KIAA1217: variants seen among roughly 807,000 people sequenced by gnomAD.
KIAA1217 encodes sickle tail protein homolog.
KIAA1217 carries 88 observed loss-of-function variants against 163.9 expected under a neutral mutation model. That is an observed-to-expected ratio of 0.54 (90% confidence interval 0.45 to 0.64). KIAA1217 has a LOEUF of 0.64. Among genes scored for constraint, KIAA1217 ranks in the 30% least tolerant of loss-of-function variants. The pLI is 0.00. For missense variants in KIAA1217, 2,372 were observed against 2,475.0 expected (o/e 0.96, Z 0.88); for synonymous variants, 903 against 923.1 (o/e 0.98, Z 0.39).
chr10:24,108,615 T>G (rs978804418), intron 2 of KIAA1217, among the ~76,000 whole-genome samples: 1 of 152,154 alleles, frequency 6.6e-6, no homozygotes, highest in Non-Finnish European at 1.5e-5. Context: ...AATGATAAAA[T>G]TAATGGATGA....
intron 1 of KIAA1217, among the ~76,000 whole-genome samples, chr10:23,786,566 G>A (rs968579607): frequency 6.6e-6 from 1 of 150,402 alleles, no homozygotes; most frequent in Non-Finnish European, 1.5e-5. Context: ...AGTTACAATA[G>A]TGACATGTAA....
At chr10:23,859,508 CAT>C (rs1215580985) in intron 1 of KIAA1217, among the ~76,000 whole-genome samples, 1 of 152,204 alleles carries the variant, frequency 6.6e-6, no homozygotes, top group African/African-American at 2.4e-5. Context: ...CTACTAATCA[CAT>C]GTCTTGAAGC....
Position 23,964,531 on chromosome 10 carries a change from C to T in KIAA1217, c.-320-42694C>T, listed in dbSNP as rs570767558. On this transcript the variant is annotated intron_variant, in intron 1 of 18. Transcript: ENST00000376462. ...TCCTGAATGGTATTGCCTAGGTTTT[C>T]TTCTAGGGTTTTTATGGTAGAACAC... 2.6e-5 allele frequency among the ~76,000 whole-genome samples: 4 copies of T among 151,898 alleles called. No homozygotes were observed. In the South Asian group the frequency reaches 8.3e-4, roughly 32 times the overall value.
At chr10:23,923,110 C>G (rs967925587) in intron 1 of KIAA1217, among the ~76,000 whole-genome samples, 1 of 152,056 alleles carries the variant, frequency 6.6e-6, no homozygotes, top group Non-Finnish European at 1.5e-5. Flanking sequence ...GCCTTCCCCC[C>G]GAGTCCCCAA....
At chr10:24,228,342 A>C (rs1371859045) in intron 2 of KIAA1217, among the ~76,000 whole-genome samples, 1 of 152,008 alleles carries the variant, frequency 6.6e-6, no homozygotes, top group Admixed American at 6.5e-5. Context: ...CTGATGTATT[A>C]ATCAGGATTG....
At chr10:24,304,744 T>C (rs984678139) in intron 2 of KIAA1217, among the ~76,000 whole-genome samples, 1 of 152,118 alleles carries the variant, frequency 6.6e-6, no homozygotes, top group Non-Finnish European at 1.5e-5. Flanking sequence ...TGGTAAAAGG[T>C]CCAGGTGGAG....
intron 1 of KIAA1217, among the ~76,000 whole-genome samples, chr10:23,988,820 A>T (rs1790400306): frequency 6.6e-6 from 1 of 151,066 alleles, no homozygotes; most frequent in South Asian, 2.1e-4. Context: ...TGATATTGGG[A>T]AAATGACATT....
chr10:23,984,734 G>A (rs1845902885), intron 1 of KIAA1217, among the ~76,000 whole-genome samples: 1 of 151,892 alleles, frequency 6.6e-6, no homozygotes, highest in African/African-American at 2.4e-5. Flanking sequence ...GACATAGGGA[G>A]GGGAACATCA....
At chr10:24,390,852 A>G (rs1465201965) in intron 3 of KIAA1217, among the ~76,000 whole-genome samples, 1 of 152,224 alleles carries the variant, frequency 6.6e-6, no homozygotes. Context: ...GGATTTTCAT[A>G]TATGAGGCTT....
intron 2 of KIAA1217, among the ~76,000 whole-genome samples, chr10:24,275,167 C>T (rs2077146274): frequency 6.6e-6 from 1 of 152,110 alleles, no homozygotes. Context: ...CTTAATTCCC[C>T]AATGAACATG....
intron 1 of KIAA1217, among the ~76,000 whole-genome samples, chr10:23,976,235 C>A (rs1410121285): frequency 2.0e-5 from 3 of 152,234 alleles, no homozygotes; most frequent in Non-Finnish European, 2.9e-5. Context: ...TCCAGTCACC[C>A]AAGCAGCCTG....
intron 2 of KIAA1217, among the ~76,000 whole-genome samples, chr10:24,015,874 A>C (rs987391734): frequency 6.6e-6 from 1 of 152,028 alleles, no homozygotes; most frequent in African/African-American, 2.4e-5. Context: ...TTCAAAGTGT[A>C]CTGGGATGTG....
intron 1 of KIAA1217, among the ~76,000 whole-genome samples, chr10:23,965,267 C>T (rs927240082): frequency 3.3e-5 from 5 of 152,222 alleles, no homozygotes; most frequent in East Asian, 3.9e-4. Context: ...AGGGCCTCTG[C>T]GTGTGTTCTC....
chr10:23,931,947 T>A (rs56945486), intron 1 of KIAA1217, among the ~76,000 whole-genome samples: 20,391 of 151,800 alleles, frequency 0.13, 3,200 homozygotes, highest in African/African-American at 0.38. Flanking sequence ...GGACAAAAAA[T>A]GGGGCCAGTT....
chr10:24,342,733 A>G (rs2047253786), intron 2 of KIAA1217, among the ~76,000 whole-genome samples: 1 of 141,338 alleles, frequency 7.1e-6, no homozygotes, highest in Non-Finnish European at 1.5e-5. Flanking sequence ...ATCTCGGCTC[A>G]CTGCAACCTC....
chr10:23,831,614 G>C (rs1045194998), intron 1 of KIAA1217, among the ~76,000 whole-genome samples: 2 of 152,106 alleles, frequency 1.3e-5, no homozygotes, highest in African/African-American at 4.8e-5. Flanking sequence ...AATGTAATAT[G>C]TGTATTAATG....
At chr10:24,029,822 GT>G (rs1340859897) in intron 2 of KIAA1217, among the ~76,000 whole-genome samples, 7 of 152,156 alleles carry the variant, frequency 4.6e-5, no homozygotes, top group Admixed American at 3.9e-4. Context: ...AGAGAGAGAA[GT>G]TTTAAGTTCC....
chr10:23,853,440 A>G, intron 1 of KIAA1217, among the ~76,000 whole-genome samples: 1 of 152,166 alleles, frequency 6.6e-6, no homozygotes, highest in Non-Finnish European at 1.5e-5. Context: ...GGATTTTTGC[A>G]TCAATGTTCA....
chr10:23,934,316 T>A (rs963870455), intron 1 of KIAA1217, among the ~76,000 whole-genome samples: 3 of 150,768 alleles, frequency 2.0e-5, no homozygotes, highest in Non-Finnish European at 4.4e-5. Context: ...ATGTTCTCAC[T>A]TGGGAGTTGA....
Sources: allele counts gnomAD v4.1 joint callset (sites outside exome capture counted in the v4.1 genomes callset), GRCh38; gene constraint gnomAD v4.1.1; transcripts MANE v1.5; gene names NCBI Gene and HGNC (gene_info 2026-07-23, HGNC 2026-07-21).